Variants in SNTB2 observed in about 807,000 individuals in gnomAD.
The protein encoded by SNTB2 is beta-2-syntrophin.
Under a neutral mutation model 46.2 loss-of-function variants are expected in SNTB2, and 34 were observed. The ratio of observed to expected loss-of-function variants is 0.74; its 90% CI spans 0.56 to 0.98. SNTB2 has a LOEUF of 0.98. SNTB2 is among the 50% of genes least tolerant of loss of function. SNTB2 has a pLI of 0.00. For missense variants in SNTB2, 603 were observed against 731.4 expected (o/e 0.82, Z 2.02); for synonymous variants, 290 against 312.6 (o/e 0.93, Z 0.76).
Position 69,284,227 on chromosome 16 carries a change from T to A in SNTB2, c.1328T>A (p.Ile443Asn), listed in dbSNP as rs772344087. The change falls in exon 5 of 7, where the codon ATC (isoleucine) becomes AAC (asparagine). Residue 443 changes from isoleucine (I) to asparagine (N), a missense_variant. Transcript: ENST00000336278. ...GGTTGCCATGCTGCTGCTGAGCTGATCAAGGAAGTCTCTCTAGGTAGAGAT... is the reference window on the plus strand; with the variant it reads ...GGTTGCCATGCTGCTGCTGAGCTGAACAAGGAAGTCTCTCTAGGTAGAGAT... Reference protein sequence around the residue: ...VQGCHAAAELIKEVSLGCMLN... With the variant: ...VQGCHAAAELNKEVSLGCMLN... 1 of 1,610,914 alleles carries A rather than the reference T, an allele frequency of 6.2e-7. No homozygotes were observed. Among genetic ancestry groups the A allele is most frequent in the Non-Finnish European group, 8.5e-7 (1 of 1,178,486 alleles).
intron 1 of SNTB2, among the ~76,000 whole-genome samples, chr16:69,226,974 G>A (rs1445437633): frequency 2.6e-5 from 4 of 152,176 alleles, no homozygotes; most frequent in African/African-American, 7.2e-5. Context: ...TAACCCCTCA[G>A]CAGATAAGAT....
chr16:69,304,498 ATTAT>A lies in SNTB2; in HGVS notation c.*3581_*3584del, dbSNP rs1478619250. The A allele has an allele frequency of 6.6e-6, 1 of 152,620 alleles. No homozygotes were observed. Among genetic ancestry groups the A allele is most frequent in the African/African-American group, 2.4e-5 (1 of 41,450 alleles). 9.5% of individuals were successfully genotyped at this position (152,620 alleles called of 1,614,324 possible). On this transcript the variant is annotated 3_prime_UTR_variant, in exon 7 of 7. Coordinates refer to ENST00000336278, the MANE Select transcript of SNTB2 (RefSeq NM_006750.4). ...ATTATTGCATGGCAGGAGAGATTGG[ATTAT>A]TTATTTCTTATATTTTTATAAGTAA...
rs187175445 is a variant in SNTB2, at chr16:69,196,179, C to T, written c.580+8433C>T. Among the ~76,000 whole-genome samples the T allele has an allele frequency of 5.5e-4, 84 of 152,104 alleles. No individual in the cohort carries two copies. In the East Asian group the frequency reaches 0.015, roughly 27 times the overall value. ...ACTTGAGCTCGGGAGATTGAGGCTG[C>T]AGTGAGCCATGTTTGAGCCACTATA... On this transcript the variant is annotated intron_variant, in intron 1 of 6. Coordinates refer to ENST00000336278, the MANE Select transcript of SNTB2 (RefSeq NM_006750.4).
chr16:69,300,964 A>G lies in SNTB2; in HGVS notation c.*40A>G, dbSNP rs770778325. The stretch of plus-strand genomic sequence containing the variant: ...GAAAAGAGCCTTGACTGTCACAAGA[A>G]ATATTTCCACCTCAAAAAAAAAAAA... On this transcript the variant is annotated 3_prime_UTR_variant, in exon 7 of 7. Coordinates refer to ENST00000336278, the MANE Select transcript of SNTB2 (RefSeq NM_006750.4). The G allele has an allele frequency of 1.5e-6, 2 of 1,296,866 alleles. No individual in the cohort carries two copies. The highest frequency in any genetic ancestry group is 1.2e-5 in the South Asian group (1 of 81,302). 80.3% of individuals were successfully genotyped at this position (1,296,866 alleles called of 1,614,324 possible). A position where few individuals can be genotyped will look rare whatever the true frequency, so the allele number is the denominator to read the frequency against.
chr16:69,212,626 C>T (rs952623597), intron 1 of SNTB2, among the ~76,000 whole-genome samples: 30 of 151,926 alleles, frequency 2.0e-4, no homozygotes, highest in African/African-American at 6.8e-4. Flanking sequence ...CGTGAGCCAC[C>T]GCGCCCAGCC....
intron 5 of SNTB2, among the ~76,000 whole-genome samples, chr16:69,289,099 A>G (rs1965134680): frequency 6.6e-6 from 1 of 151,856 alleles, no homozygotes. Context: ...GAGAAACCCC[A>G]TCTCTACTAA....
chr16:69,234,032 GAAAAA>G (rs1374962853), intron 1 of SNTB2, among the ~76,000 whole-genome samples: 1 of 151,386 alleles, frequency 6.6e-6, no homozygotes, highest in Non-Finnish European at 1.5e-5. Context: ...TTAAAAAAAG[GAAAAA>G]AGAAAAAAAC....
intron 1 of SNTB2, among the ~76,000 whole-genome samples, chr16:69,189,012 G>T (rs1174073298): frequency 6.6e-6 from 1 of 152,134 alleles, no homozygotes; most frequent in African/African-American, 2.4e-5. Flanking sequence ...AAGGGCTGGG[G>T]GCTGCTGGTG....
intron 1 of SNTB2, among the ~76,000 whole-genome samples, chr16:69,217,983 G>C (rs1964364968): frequency 6.6e-6 from 1 of 152,152 alleles, no homozygotes; most frequent in Non-Finnish European, 1.5e-5. Flanking sequence ...AGGACACTTT[G>C]TGTGTGTGGT....
Position 69,299,612 on chromosome 16 carries a change from G to A in SNTB2, c.1368G>A (p.Glu456=), listed in dbSNP as rs147419057. 8.5e-5 allele frequency: 138 copies of A among 1,614,110 alleles called. No homozygotes were observed. In the Middle Eastern group the frequency reaches 1.3e-3, roughly 15 times the overall value. Residue 456 remains glutamate, a synonymous_variant, in exon 6 of 7, where the codon GAG becomes GAA. Coordinates refer to ENST00000336278, the MANE Select transcript of SNTB2 (RefSeq NM_006750.4). Reference sequence around the variant, plus strand: ...CAGGCTGCATGTTAAATGGCCAAGAGGTGAGGCTTACTATTCACTATGAAA... The same window carrying A: ...CAGGCTGCATGTTAAATGGCCAAGAAGTGAGGCTTACTATTCACTATGAAA... ...VSLGCMLNGQ[E]VRLTIHYENG... is the part of the protein sequence containing the mutation.
Position 69,187,395 on chromosome 16 carries a change from G to C in SNTB2, c.229G>C (p.Gly77Arg). Reference sequence around the variant, plus strand: ...CGCCTTCAACGGCCTCCCAAACGGCGGCGGCGCGGGCGACTCGCTGCCCGG... The same window carrying C: ...CGCCTTCAACGGCCTCCCAAACGGCCGCGGCGCGGGCGACTCGCTGCCCGG... ...AAAFNGLPNG[G>R]GAGDSLPGSP... The change falls in exon 1 of 7, where the codon GGC becomes CGC. Residue 77 changes from glycine (G) to arginine (R), a missense_variant. Gly to Arg is a moderately radical substitution (Grantham distance 125). Coordinates refer to ENST00000336278, the MANE Select transcript of SNTB2 (RefSeq NM_006750.4). The C allele has an allele frequency of 7.8e-7, 1 of 1,274,298 alleles. No homozygotes were observed. The highest frequency in any genetic ancestry group is 9.9e-7 in the Non-Finnish European group (1 of 1,014,762). The allele number at this position is 1,274,298 out of a possible 1,614,324, so 78.9% of individuals were successfully genotyped here.
chr16:69,285,160 A>G (rs1461163061), intron 5 of SNTB2, among the ~76,000 whole-genome samples: 1 of 152,224 alleles, frequency 6.6e-6, no homozygotes, highest in Non-Finnish European at 1.5e-5. Flanking sequence ...TGACTGTACC[A>G]TAATCTGTTT....
intron 1 of SNTB2, among the ~76,000 whole-genome samples, chr16:69,193,389 C>T (rs954412619): frequency 1.5e-5 from 2 of 129,324 alleles, no homozygotes; most frequent in Non-Finnish European, 3.1e-5. Flanking sequence ...AGTGCAGAGG[C>T]ACCATCTCGG....
chr16:69,258,549 AAACACAGTTTCAAATTT>A (rs1353061803), intron 2 of SNTB2, among the ~76,000 whole-genome samples: 2 of 151,738 alleles, frequency 1.3e-5, no homozygotes, highest in Non-Finnish European at 2.9e-5. Flanking sequence ...AAAAGTACCC[AAACACAGTTTCAAATTT>A]TACAGAGTAA....
chr16:69,286,733 G>C (rs570776664), intron 5 of SNTB2, among the ~76,000 whole-genome samples: 1 of 149,326 alleles, frequency 6.7e-6, no homozygotes, highest in Admixed American at 6.7e-5. Context: ...AAAAAAGCCA[G>C]ACATAGTGGC....
At chr16:69,206,752 G>A (rs1191830417) in intron 1 of SNTB2, among the ~76,000 whole-genome samples, 1 of 151,192 alleles carries the variant, frequency 6.6e-6, no homozygotes, top group Non-Finnish European at 1.5e-5. Flanking sequence ...GGAATTGGCT[G>A]CATTTTTATT....
chr16:69,206,354 A>C (rs1318782055), intron 1 of SNTB2, among the ~76,000 whole-genome samples: 1 of 152,014 alleles, frequency 6.6e-6, no homozygotes, highest in African/African-American at 2.4e-5. Flanking sequence ...TCTCTCCAGT[A>C]GATATACTAT....
At chr16:69,232,422 G>A (rs186465561) in intron 1 of SNTB2, among the ~76,000 whole-genome samples, 1 of 148,950 alleles carries the variant, frequency 6.7e-6, no homozygotes, top group Non-Finnish European at 1.5e-5. Flanking sequence ...AGCCAGGATG[G>A]TCTCCATCTC....
Position 69,304,590 on chromosome 16 carries a change from C to G in SNTB2, c.*3666C>G, listed in dbSNP as rs1321680509. On this transcript the variant is annotated 3_prime_UTR_variant, in exon 7 of 7. Coordinates refer to ENST00000336278, the MANE Select transcript of SNTB2 (RefSeq NM_006750.4). Reference sequence around the variant, plus strand: ...CTGATTGTTTTCCTAATTTATCCTCCTAAGTTGAATGGTAACAAAGCTTTT... The same window carrying G: ...CTGATTGTTTTCCTAATTTATCCTCGTAAGTTGAATGGTAACAAAGCTTTT... The G allele has an allele frequency of 6.6e-6, 1 of 152,228 alleles. No homozygotes were observed. Among genetic ancestry groups the G allele is most frequent in the African/African-American group, 2.4e-5 (1 of 41,410 alleles). 9.4% of individuals were successfully genotyped at this position (152,228 alleles called of 1,614,324 possible).
Sources: allele counts gnomAD v4.1 joint callset (sites outside exome capture counted in the v4.1 genomes callset), GRCh38; gene constraint gnomAD v4.1.1; transcripts MANE v1.5; gene names NCBI Gene and HGNC (gene_info 2026-07-23, HGNC 2026-07-21).